Variants in WIPF1 observed in about 807,000 individuals in gnomAD.
WIPF1 encodes the protein WAS/WASL-interacting protein family member 1.
In WIPF1, 13 loss-of-function variants were observed where a neutral mutation model predicts 35.4. That is an observed-to-expected ratio of 0.37 (90% CI 0.24 to 0.58). The LOEUF (loss-of-function observed/expected upper bound fraction) is 0.58. WIPF1 is among the 20% of genes least tolerant of loss of function. The pLI is 0.74. For synonymous variants in WIPF1, 267 were observed against 266.3 expected, an observed-to-expected ratio of 1.00 and a Z score of -0.02; for missense variants, 591 against 667.0, an observed-to-expected ratio of 0.89 and a Z score of 1.25.
chr2:174,588,699 G>A (rs1030063210), intron 1 of WIPF1, among the ~76,000 whole-genome samples: 1 of 152,222 alleles, frequency 6.6e-6, no homozygotes, highest in Admixed American at 6.5e-5. Flanking sequence ...AGGCCAGATT[G>A]CAGAAATTAG....
At chr2:174,595,290 CAAAAAAAAA>C (rs377491345) in intron 1 of WIPF1, among the ~76,000 whole-genome samples, 1 of 45,290 alleles carries the variant, frequency 2.2e-5, no homozygotes, top group African/African-American at 8.1e-5. Flanking sequence ...AACCCTGTCT[CAAAAAAAAA>C]AAAAAAAAAA....
intron 1 of WIPF1, among the ~76,000 whole-genome samples, chr2:174,617,081 T>C (rs926449480): frequency 6.6e-6 from 1 of 152,134 alleles, no homozygotes; most frequent in Non-Finnish European, 1.5e-5. Flanking sequence ...GTTCAGAACA[T>C]TTAGGGCCCA....
At chr2:174,638,744 C>G (rs1486967067) in intron 1 of WIPF1, among the ~76,000 whole-genome samples, 1 of 152,136 alleles carries the variant, frequency 6.6e-6, no homozygotes, top group African/African-American at 2.4e-5. Flanking sequence ...CATTTTTATG[C>G]CTGCATAGTA....
At chr2:174,609,425 C>T (rs1365408612) in intron 1 of WIPF1, among the ~76,000 whole-genome samples, 1 of 151,956 alleles carries the variant, frequency 6.6e-6, no homozygotes, top group East Asian at 1.9e-4. Flanking sequence ...ATCATGAGCC[C>T]AAGGACAATG....
At chr2:174,612,204 A>T (rs978117728) in intron 1 of WIPF1, among the ~76,000 whole-genome samples, 2 of 152,144 alleles carry the variant, frequency 1.3e-5, no homozygotes, top group Non-Finnish European at 2.9e-5. Context: ...ACCTATTTTT[A>T]AAAATCACCC....
chr2:174,630,456 G>A (rs952207684), intron 1 of WIPF1: 2 of 152,136 alleles, frequency 1.3e-5, no homozygotes, highest in Non-Finnish European at 2.9e-5. Context: ...ACTATGACAG[G>A]GTTCTACTTC....
At chr2:174,661,531 G>A (rs1016254218) in intron 1 of WIPF1, among the ~76,000 whole-genome samples, 1 of 152,050 alleles carries the variant, frequency 6.6e-6, no homozygotes, top group Non-Finnish European at 1.5e-5. Context: ...TCACATCTCA[G>A]CTCTAGAAGC....
intron 1 of WIPF1, among the ~76,000 whole-genome samples, chr2:174,585,961 T>A (rs1685405723): frequency 6.6e-6 from 1 of 152,176 alleles, no homozygotes; most frequent in South Asian, 2.1e-4. Context: ...GAAAACAAAT[T>A]CACTTCAAGT....
intron 3 of WIPF1, among the ~76,000 whole-genome samples, chr2:174,578,196 G>A (rs1018700108): frequency 1.3e-5 from 2 of 152,114 alleles, no homozygotes; most frequent in African/African-American, 4.8e-5. Context: ...GACTAAAAAT[G>A]TCTTCAGACA....
At chr2:174,608,139 T>C (rs1204124733) in intron 1 of WIPF1, among the ~76,000 whole-genome samples, 1 of 152,134 alleles carries the variant, frequency 6.6e-6, no homozygotes, top group Non-Finnish European at 1.5e-5. Flanking sequence ...TGTTTGCCAG[T>C]GTCAGGAAGA....
intron 1 of WIPF1, among the ~76,000 whole-genome samples, chr2:174,635,247 T>G (rs1440092396): frequency 6.6e-6 from 1 of 152,204 alleles, no homozygotes; most frequent in Non-Finnish European, 1.5e-5. Flanking sequence ...TGGGAGACAT[T>G]TCCCTCCTGC....
intron 1 of WIPF1, among the ~76,000 whole-genome samples, chr2:174,674,129 G>A (rs184196387): frequency 6.3e-4 from 96 of 152,328 alleles, no homozygotes; most frequent in Middle Eastern, 3.4e-3. Context: ...ACTCAGCAAC[G>A]GCAAGGACAT....
intron 1 of WIPF1, among the ~76,000 whole-genome samples, chr2:174,633,988 CT>C (rs1288234812): frequency 6.6e-6 from 1 of 152,098 alleles, no homozygotes; most frequent in African/African-American, 2.4e-5. Flanking sequence ...AAAAAGGAAA[CT>C]TAAGAATTTA....
At chr2:174,611,527 C>T (rs991223654) in intron 1 of WIPF1, among the ~76,000 whole-genome samples, 7 of 152,164 alleles carry the variant, frequency 4.6e-5, no homozygotes, top group South Asian at 2.1e-4. Flanking sequence ...GAGGGAGGGT[C>T]GTCCCTCTCT....
chr2:174,601,855 T>C (rs1012692447), upstream of WIPF1, among the ~76,000 whole-genome samples: 7 of 152,250 alleles, frequency 4.6e-5, no homozygotes, highest in African/African-American at 7.2e-5. Flanking sequence ...AGCAGAGCAG[T>C]GGCCAAAGCC....
intron 6 of WIPF1, among the ~76,000 whole-genome samples, chr2:174,567,567 TAAA>T (rs1188121956): frequency 1.3e-5 from 2 of 152,192 alleles, no homozygotes; most frequent in African/African-American, 2.4e-5. Flanking sequence ...TAAGAAGCTA[TAAA>T]AAGATTCTTT....
At chr2:174,627,570 T>C (rs1267514304) in intron 1 of WIPF1, among the ~76,000 whole-genome samples, 2 of 149,430 alleles carry the variant, frequency 1.3e-5, no homozygotes, top group East Asian at 4.0e-4. Flanking sequence ...TGAGACAGTC[T>C]TCCTCTGTTA....
At chr2:174,597,871 A>C (rs1685872197), upstream of WIPF1, 1 of 152,654 alleles carries the variant, frequency 6.6e-6, no homozygotes, top group African/African-American at 2.4e-5. Flanking sequence ...GCAGAAAAAG[A>C]AACTAGATTG....
chr2:174,593,022 T>C (rs956436482), intron 1 of WIPF1, among the ~76,000 whole-genome samples: 4 of 152,148 alleles, frequency 2.6e-5, no homozygotes, highest in Admixed American at 2.6e-4. Flanking sequence ...CTTCAAGATT[T>C]CTTTTTTTTC....
Sources: allele counts gnomAD v4.1 joint callset (sites outside exome capture counted in the v4.1 genomes callset), GRCh38; gene constraint gnomAD v4.1.1; transcripts MANE v1.5; gene names NCBI Gene and HGNC (gene_info 2026-07-23, HGNC 2026-07-21).